The following SH3KBP1 variants were observed in gnomAD, a reference collection of about 807,000 sequenced individuals.
SH3KBP1 encodes SH3 domain-containing kinase-binding protein 1.
SH3KBP1 carries 8 observed loss-of-function variants against 50.1 expected under a neutral mutation model. The ratio of observed to expected loss-of-function variants is 0.16; its 90% CI spans 0.09 to 0.29. The LOEUF is 0.29. SH3KBP1 is among the 10% of genes least tolerant of loss of function. The probability of loss-of-function intolerance (pLI) is 1.00; values close to 1 mark genes in which losing one functional copy is unlikely to be tolerated. For missense variants in SH3KBP1, 377 were observed against 535.2 expected (o/e 0.70, Z 2.92); for synonymous variants, 227 against 218.6 (o/e 1.04, Z -0.34).
intron 6 of SH3KBP1, among the ~76,000 whole-genome samples, chrX:19,660,148 T>C (rs2062411990): frequency 8.9e-6 from 1 of 112,485 alleles, no homozygotes; most frequent in Non-Finnish European, 1.9e-5. Flanking sequence ...TAAGAAGACT[T>C]ACAGTTATGC....
intron 2 of SH3KBP1, among the ~76,000 whole-genome samples, chrX:19,755,332 G>A (rs187927631): frequency 1.5e-4 from 17 of 111,840 alleles, no homozygotes; most frequent in Non-Finnish European, 2.1e-4. Flanking sequence ...TTGCGCCATC[G>A]GACTCCAGCC....
At chrX:19,590,824 T>A (rs931156639) in intron 11 of SH3KBP1, among the ~76,000 whole-genome samples, 20 of 85,052 alleles carry the variant, frequency 2.4e-4, no homozygotes, top group Non-Finnish European at 3.7e-4. Flanking sequence ...TTTTTTTTTT[T>A]TTTTTTTTTT....
rs760273796 is a variant in SH3KBP1 at position 19,749,360 on chromosome X, G to A, written c.163-2919C>T. On this transcript the variant is annotated intron_variant, in intron 2 of 17. Coordinates refer to ENST00000397821, the MANE Select transcript of SH3KBP1 (RefSeq NM_031892.3). ...CTTTGCCCCCAAGGCAAACTTGTAT[G>A]CCAGTGTTTACTGCAACTTTATACA... Among the ~76,000 whole-genome samples the A allele has an allele frequency of 7.1e-5, 8 of 112,779 alleles. No homozygotes were observed. The South Asian group carries it at 2.9e-3, about 41-fold the overall frequency.
At chrX:19,788,289 A>AAC (rs1461658366) in intron 2 of SH3KBP1, among the ~76,000 whole-genome samples, 7 of 104,225 alleles carry the variant, frequency 6.7e-5, no homozygotes, top group African/African-American at 2.3e-4. Context: ...AAAAAAACAA[A>AAC]AAAAAAAAAC....
chrX:19,610,561 C>A (rs2067381189), intron 8 of SH3KBP1, among the ~76,000 whole-genome samples: 1 of 112,015 alleles, frequency 8.9e-6, no homozygotes, highest in Non-Finnish European at 1.9e-5. Context: ...ATTCAATAAA[C>A]ATCTATTAAA....
intron 1 of SH3KBP1, among the ~76,000 whole-genome samples, chrX:19,881,164 G>A (rs1381709649): frequency 8.9e-6 from 1 of 112,156 alleles, no homozygotes; most frequent in Non-Finnish European, 1.9e-5. Context: ...TCAGAGACCT[G>A]AATGAGCTTA....
intron 2 of SH3KBP1, chrX:19,747,557 A>G (rs1385732936): frequency 3.0e-6 from 1 of 330,730 alleles, no homozygotes; most frequent in Non-Finnish European, 6.1e-6. Context: ...GTAGAGGGCC[A>G]TGACTAGGCC....
chrX:19,718,883 T>A (rs969013507), intron 3 of SH3KBP1, among the ~76,000 whole-genome samples: 1 of 110,535 alleles, frequency 9.0e-6, no homozygotes, highest in African/African-American at 3.3e-5. Context: ...CCCATACTAT[T>A]CCATCAGTGA....
At chrX:19,702,905 G>A (rs888108955) in intron 4 of SH3KBP1, among the ~76,000 whole-genome samples, 1 of 112,497 alleles carries the variant, frequency 8.9e-6, no homozygotes, top group Non-Finnish European at 1.9e-5. Context: ...GGAATTCACA[G>A]CCTGCTACTT....
chrX:19,775,348 C>G (rs1031592571), intron 2 of SH3KBP1, among the ~76,000 whole-genome samples: 3 of 112,040 alleles, frequency 2.7e-5, no homozygotes, highest in African/African-American at 9.7e-5. Flanking sequence ...CTAAACAAAT[C>G]TAAATATTGG....
chrX:19,773,845 G>C (rs2065872909), intron 2 of SH3KBP1, among the ~76,000 whole-genome samples: 1 of 73,441 alleles, frequency 1.4e-5, no homozygotes, highest in Admixed American at 2.1e-4. Context: ...GACAGAGCGA[G>C]ACTCCGGCTC....
At chrX:19,668,099 A>T (rs1398459588) in intron 6 of SH3KBP1, among the ~76,000 whole-genome samples, 1 of 111,698 alleles carries the variant, frequency 9.0e-6, no homozygotes, top group East Asian at 2.8e-4. Flanking sequence ...GCTATCTGAC[A>T]GAAGAAGGGG....
chrX:19,763,019 T>C (rs141152218), intron 2 of SH3KBP1, among the ~76,000 whole-genome samples: 6 of 112,023 alleles, frequency 5.4e-5, no homozygotes, highest in African/African-American at 1.9e-4. Context: ...GGGTAACTTA[T>C]TTGAATCTTG....
chrX:19,617,681 A>T (rs2067658356), intron 8 of SH3KBP1, among the ~76,000 whole-genome samples: 1 of 112,060 alleles, frequency 8.9e-6, no homozygotes, highest in South Asian at 3.7e-4. Flanking sequence ...CTTTTTTCAG[A>T]TAATGGCGCA....
At chrX:19,629,920 T>A (rs1467548628) in intron 8 of SH3KBP1, among the ~76,000 whole-genome samples, 2 of 112,669 alleles carry the variant, frequency 1.8e-5, no homozygotes, top group Non-Finnish European at 1.9e-5. Context: ...CCTGTTCATT[T>A]ATCTGTACCA....
intron 13 of SH3KBP1, among the ~76,000 whole-genome samples, chrX:19,561,894 G>A (rs984043447): frequency 9.2e-6 from 1 of 108,470 alleles, no homozygotes; most frequent in African/African-American, 3.4e-5. Context: ...TAAGGCGTGG[G>A]GAGATGAAGA....
intron 7 of SH3KBP1, among the ~76,000 whole-genome samples, chrX:19,641,328 T>G (rs1360903416): frequency 5.3e-5 from 6 of 112,354 alleles, no homozygotes; most frequent in Non-Finnish European, 5.6e-5. Context: ...TTTTTTGTTT[T>G]GTTTTGTTTT....
chrX:19,623,297 C>T (rs923593672), intron 8 of SH3KBP1, among the ~76,000 whole-genome samples: 8 of 111,471 alleles, frequency 7.2e-5, no homozygotes, highest in South Asian at 7.4e-4. Flanking sequence ...GTAAGGTCAC[C>T]GGTAATTTTG....
In SH3KBP1 at chrX:19,542,451, T is replaced by C. The variant is rs182420086; in HGVS notation, c.1624-258A>G. On this transcript the variant is annotated intron_variant, in intron 15 of 17. Coordinates refer to ENST00000397821, the MANE Select transcript of SH3KBP1 (RefSeq NM_031892.3). The stretch of plus-strand genomic sequence containing the variant: ...GTTTCCGACTGGTTCAATATACACA[T>C]TGAGATGCCCAACTACTTGCCAGGC... 2.7e-4 allele frequency among the ~76,000 whole-genome samples: 30 copies of C among 111,828 alleles called. No homozygotes were observed. In the East Asian group the frequency reaches 3.7e-3, roughly 14 times the overall value.
Sources: allele counts gnomAD v4.1 joint callset (sites outside exome capture counted in the v4.1 genomes callset), GRCh38; gene constraint gnomAD v4.1.1; transcripts MANE v1.5; gene names NCBI Gene and HGNC (gene_info 2026-07-23, HGNC 2026-07-21).